The following ESRRG variants were observed in gnomAD, a reference collection of about 807,000 sequenced individuals.
ESRRG encodes the protein estrogen-related receptor gamma.
Under a neutral mutation model 44.0 loss-of-function variants are expected in ESRRG, and 13 were observed. The observed-to-expected ratio is 0.30, with a 90% CI of 0.19 to 0.47. The LOEUF (loss-of-function observed/expected upper bound fraction) is 0.47. ESRRG is among the 20% of genes least tolerant of loss of function. ESRRG has a pLI of 1.00. For missense variants in ESRRG, 395 were observed against 580.6 expected (o/e 0.68, Z 3.29); for synonymous variants, 215 against 214.6 (o/e 1.00, Z -0.02).
At chr1:216,784,479 TA>T (rs2094050891) in intron 2 of ESRRG, among the ~76,000 whole-genome samples, 1 of 152,026 alleles carries the variant, frequency 6.6e-6, no homozygotes, top group Non-Finnish European at 1.5e-5. Context: ...AATATATGGG[TA>T]AAAGATACAT....
chr1:216,548,350 C>A (rs57104009), intron 5 of ESRRG, among the ~76,000 whole-genome samples: 185 of 152,118 alleles, frequency 1.2e-3, no homozygotes, highest in African/African-American at 4.1e-3. Flanking sequence ...AAATTTGAAG[C>A]CTCTTGGCTT....
At chr1:216,971,373 G>A (rs747652173) in intron 1 of ESRRG, among the ~76,000 whole-genome samples, 4 of 152,106 alleles carry the variant, frequency 2.6e-5, no homozygotes, top group African/African-American at 4.8e-5. Flanking sequence ...GATTTATTAC[G>A]AAAGCAACGT....
At chr1:216,945,760 A>C (rs1217289773) in intron 1 of ESRRG, among the ~76,000 whole-genome samples, 1 of 152,206 alleles carries the variant, frequency 6.6e-6, no homozygotes, top group African/African-American at 2.4e-5. Context: ...ACCTCATAAA[A>C]AAGAGCCGAC....
intron 2 of ESRRG, among the ~76,000 whole-genome samples, chr1:216,878,193 A>C (rs1268571693): frequency 6.6e-6 from 1 of 152,190 alleles, no homozygotes; most frequent in African/African-American, 2.4e-5. Flanking sequence ...AGCCCTAACT[A>C]TGCCAGCTAT....
At chr1:216,820,782 G>A (rs976664632) in intron 2 of ESRRG, among the ~76,000 whole-genome samples, 3 of 152,318 alleles carry the variant, frequency 2.0e-5, no homozygotes, top group South Asian at 2.1e-4. Context: ...GGTCAAGGGT[G>A]TCACATATGA....
chr1:217,122,380 C>A (rs958938723), intron 1 of ESRRG, among the ~76,000 whole-genome samples: 1 of 152,074 alleles, frequency 6.6e-6, no homozygotes, highest in Non-Finnish European at 1.5e-5. Flanking sequence ...CATCCTGGCC[C>A]CACCTCCTAT....
chr1:216,769,267 C>G (rs1186737644), intron 2 of ESRRG, among the ~76,000 whole-genome samples: 1 of 152,074 alleles, frequency 6.6e-6, no homozygotes, highest in Non-Finnish European at 1.5e-5. Context: ...GAAAGACCAG[C>G]TGCAAACAGA....
chr1:216,956,563 T>C (rs2067998924), intron 1 of ESRRG, among the ~76,000 whole-genome samples: 1 of 152,206 alleles, frequency 6.6e-6, no homozygotes, highest in Non-Finnish European at 1.5e-5. Context: ...TTGTTCCTTT[T>C]AGTATTTCTC....
At chr1:216,808,585 C>A (rs1163852282) in intron 2 of ESRRG, among the ~76,000 whole-genome samples, 2 of 152,024 alleles carry the variant, frequency 1.3e-5, no homozygotes, top group Non-Finnish European at 2.9e-5. Flanking sequence ...TGTCACTCCA[C>A]CGGCTAATTT....
chr1:216,884,720 G>A (rs2096492878), intron 2 of ESRRG, among the ~76,000 whole-genome samples: 1 of 152,176 alleles, frequency 6.6e-6, no homozygotes, highest in African/African-American at 2.4e-5. Flanking sequence ...TTTAGAACAT[G>A]CCTGAACACA....
intron 2 of ESRRG, among the ~76,000 whole-genome samples, chr1:216,665,008 A>C (rs1158527291): frequency 6.6e-6 from 1 of 152,174 alleles, no homozygotes; most frequent in East Asian, 1.9e-4. Context: ...CACAAAGAAA[A>C]TGTGGTCTAT....
intron 2 of ESRRG, among the ~76,000 whole-genome samples, chr1:216,821,689 AAAAT>A (rs199753545): frequency 0.26 from 29,437 of 112,766 alleles, 6,291 homozygotes; most frequent in East Asian, 0.54. Context: ...TGCCTCAGGA[AAAAT>A]AAATAAATAA....
At chr1:216,551,590 A>G (rs1193091362) in intron 5 of ESRRG, among the ~76,000 whole-genome samples, 2 of 152,154 alleles carry the variant, frequency 1.3e-5, no homozygotes, top group Non-Finnish European at 2.9e-5. Context: ...GACGTGTTAA[A>G]ACCCTCAGAG....
At chr1:216,938,065 G>T (rs1344571224) in intron 2 of ESRRG, among the ~76,000 whole-genome samples, 2 of 152,006 alleles carry the variant, frequency 1.3e-5, no homozygotes, top group African/African-American at 4.8e-5. Context: ...CGGTGCCCCT[G>T]CCTTCACCTG....
intron 2 of ESRRG, among the ~76,000 whole-genome samples, chr1:216,675,894 G>T (rs2076023002): frequency 6.6e-6 from 1 of 152,076 alleles, no homozygotes; most frequent in African/African-American, 2.4e-5. Context: ...CCTTTCCCTG[G>T]CTGTACCCAA....
intron 1 of ESRRG, among the ~76,000 whole-genome samples, chr1:217,011,625 A>ACTCCTCTCC (rs760257424): frequency 0.51 from 78,198 of 151,968 alleles, 20,418 homozygotes; most frequent in Admixed American, 0.65. Flanking sequence ...CTAGCCTGGG[A>ACTCCTCTCC]TTGCTTTGGG....
intron 1 of ESRRG, among the ~76,000 whole-genome samples, chr1:217,073,171 G>T (rs2090785176): frequency 8.4e-6 from 1 of 119,290 alleles, no homozygotes. Context: ...ATCTCTGCTG[G>T]CACCTTGTCT....
intron 1 of ESRRG, among the ~76,000 whole-genome samples, chr1:216,988,811 T>C (rs1420231966): frequency 6.6e-6 from 1 of 152,168 alleles, no homozygotes; most frequent in Non-Finnish European, 1.5e-5. Context: ...TTAACCTTAG[T>C]CATTTACCAC....
At chr1:216,715,894 G>GATGTA (rs1396951010) in intron 1 of ESRRG, among the ~76,000 whole-genome samples, 4 of 151,922 alleles carry the variant, frequency 2.6e-5, no homozygotes, top group Admixed American at 1.3e-4. Flanking sequence ...GATGAAAAAG[G>GATGTA]AATTATCATT....
Sources: gnomAD v4.1 joint callset for allele counts (sites outside exome capture counted in the v4.1 genomes callset) on GRCh38, gnomAD v4.1.1 for gene constraint, MANE v1.5 for transcripts, NCBI Gene and HGNC (gene_info 2026-07-23, HGNC 2026-07-21) for gene names.